ANKRD26: variants seen among roughly 807,000 people sequenced by gnomAD.
ANKRD26 encodes ankyrin repeat domain-containing protein 26.
ANKRD26 carries 141 observed loss-of-function variants against 208.7 expected under a neutral mutation model. The observed-to-expected ratio is 0.68, with a 90% CI of 0.59 to 0.78. The LOEUF (loss-of-function observed/expected upper bound fraction) is 0.78, where lower values mean the gene tolerates loss of function less well. Ranked by LOEUF, ANKRD26 falls within the 30% of genes least tolerant of loss-of-function variation. The pLI, the probability that ANKRD26 is intolerant of heterozygous loss-of-function variation, is 0.00. For missense variants in ANKRD26, 1,889 were observed against 1,938.7 expected (o/e 0.97, Z 0.48); for synonymous variants, 636 against 660.4 (o/e 0.96, Z 0.57).
At position 27,064,183 on chromosome 10, in the gene ANKRD26, A is replaced by T. The variant is rs529411785; in HGVS notation, c.1270-102T>A. Reference sequence around the variant, plus strand: ...AAATATAATATGAATTTCCTATTTTAAAAGCAATTAGGCTTAAAAATAAGA... The same window carrying T: ...AAATATAATATGAATTTCCTATTTTTAAAGCAATTAGGCTTAAAAATAAGA... On this transcript the variant is annotated intron_variant, in intron 11 of 33. Coordinates refer to ENST00000376087, the MANE Select transcript of ANKRD26 (RefSeq NM_014915.3). 6.5e-6 allele frequency: 6 copies of T among 928,756 alleles called. No individual in the cohort carries two copies. In the Admixed American group the frequency reaches 9.8e-5, roughly 15 times the overall value. 57.5% of individuals were successfully genotyped at this position (928,756 alleles called of 1,614,324 possible).
At chr10:27,055,626 T>C (rs772317815) in intron 15 of ANKRD26, among the ~76,000 whole-genome samples, 1 of 152,152 alleles carries the variant, frequency 6.6e-6, no homozygotes, top group Non-Finnish European at 1.5e-5. Context: ...TAAAATTGAA[T>C]TTCATATATC....
chr10:27,077,348 C>A lies in ANKRD26; in HGVS notation c.1067G>T (p.Gly356Val), dbSNP rs1184215775. The A allele has an allele frequency of 1.9e-6, 3 of 1,613,358 alleles. No homozygotes were observed. Residue 356 changes from glycine to valine, a missense_variant, in exon 9 of 34, where the codon GGT becomes GTT. Gly to Val is a moderately radical substitution (Grantham distance 109). Coordinates refer to ENST00000376087, the MANE Select transcript of ANKRD26 (RefSeq NM_014915.3). The part of the protein sequence containing the change: ...KPSHKSLANP[G>V]LMKEEPTKPG... Reference sequence around the variant, plus strand: ...TAAAAAACAACTTACCTTCATAAGACCAGGGTTTGCTAACGACTTGTGGGA... The same window carrying A: ...TAAAAAACAACTTACCTTCATAAGAACAGGGTTTGCTAACGACTTGTGGGA...
intron 15 of ANKRD26, among the ~76,000 whole-genome samples, chr10:27,055,632 A>G (rs973417579): frequency 2.0e-5 from 3 of 152,316 alleles, no homozygotes; most frequent in East Asian, 3.9e-4. Context: ...TGAATTTCAT[A>G]TATCTTTTTT....
At chr10:27,065,839 C>T (rs753235996) in intron 11 of ANKRD26, among the ~76,000 whole-genome samples, 2 of 146,262 alleles carry the variant, frequency 1.4e-5, no homozygotes, top group African/African-American at 2.5e-5. Flanking sequence ...TGGCCATAGG[C>T]TAACCTGAAA....
chr10:26,989,579 C>T (rs905617999), downstream of ANKRD26, among the ~76,000 whole-genome samples: 1 of 152,164 alleles, frequency 6.6e-6, no homozygotes, highest in Admixed American at 6.5e-5. Context: ...CTTTATGCTT[C>T]GCAACTCAAC....
exon 6 of ANKRD26, chr10:26,991,953 T>A (rs1000450028): frequency 3.3e-5 from 5 of 152,186 alleles, no homozygotes; most frequent in African/African-American, 4.8e-5. Flanking sequence ...CAGATACACA[T>A]TTGTCTCAGG....
intron 15 of ANKRD26, among the ~76,000 whole-genome samples, chr10:27,054,003 T>A (rs1589291686): frequency 6.6e-6 from 1 of 151,868 alleles, no homozygotes; most frequent in Non-Finnish European, 1.5e-5. Context: ...TTTTGACAAA[T>A]TTTTTTTCAT....
chr10:26,960,684 C>G, the ANKRD26 span, among the ~76,000 whole-genome samples: 86 of 152,282 alleles, frequency 5.6e-4, no homozygotes, highest in African/African-American at 2.0e-3. Context: ...AAGGAGAGAA[C>G]TGTTTTCTAT....
chr10:27,053,249 T>C, intron 16 of ANKRD26, 71 bp downstream of exon 16: 2 of 1,096,438 alleles, frequency 1.8e-6, no homozygotes, highest in Non-Finnish European at 2.7e-6. Flanking sequence ...AGTAATTTCA[T>C]TTGGACTATG....
chr10:26,955,160 A>G, the ANKRD26 span, among the ~76,000 whole-genome samples: 64,692 of 151,706 alleles, frequency 0.43, 16,479 homozygotes, highest in Non-Finnish European at 0.54. Flanking sequence ...TGGGCGCAGT[A>G]GCTCATGCCC....
At chr10:26,999,449 G>C (rs997324697), downstream of ANKRD26, among the ~76,000 whole-genome samples, 60 of 152,212 alleles carry the variant, frequency 3.9e-4, no homozygotes, top group Admixed American at 3.9e-3. Flanking sequence ...GCTGCTTGTG[G>C]ACCTAGCTTT....
At chr10:26,950,318 G>A in the ANKRD26 span, among the ~76,000 whole-genome samples, 1 of 152,220 alleles carries the variant, frequency 6.6e-6, no homozygotes, top group Non-Finnish European at 1.5e-5. Flanking sequence ...TTCACCCTCT[G>A]TGATGATTGT....
chr10:26,975,511 G>A (rs1212476724), exon 6 of ANKRD26, among the ~76,000 whole-genome samples: 3 of 144,170 alleles, frequency 2.1e-5, no homozygotes, highest in Admixed American at 7.4e-5. Context: ...ACAGGCATGA[G>A]CCACTGTGCC....
rs1164026142 is a variant in ANKRD26 at position 27,079,118 on chromosome 10, C to G, written c.784G>C (p.Asp262His). The G allele has an allele frequency of 1.9e-6, 3 of 1,613,856 alleles. No individual in the cohort carries two copies. In the African/African-American group the frequency reaches 4.0e-5, roughly 22 times the overall value. ...GTATCAAAATTGAGGTCTTCGTCAT[C>G]TGAGGTAGGCCATGAATCATCAACA... is the stretch of plus-strand genomic sequence containing the variant. ...PGVDDSWPTSDDEDLNFDTKN... is the reference protein window; with the variant it reads ...PGVDDSWPTSHDEDLNFDTKN... Residue 262 changes from aspartate (D) to histidine (H), a missense_variant, in exon 7 of 34, where the codon GAT becomes CAT. Asp to His is a moderately conservative substitution (Grantham distance 81, BLOSUM62 -1). Coordinates refer to ENST00000376087, the MANE Select transcript of ANKRD26 (RefSeq NM_014915.3).
chr10:27,052,125 GT>G, intron 16 of ANKRD26: 1 of 984,496 alleles, frequency 1.0e-6, no homozygotes. Context: ...CAGGGTGCAT[GT>G]TTTTAAAATA....
At chr10:26,977,501 T>C (rs2134609009) in intron 5 of ANKRD26, among the ~76,000 whole-genome samples, 1 of 152,324 alleles carries the variant, frequency 6.6e-6, no homozygotes, top group South Asian at 2.1e-4. Flanking sequence ...AGCATAATGA[T>C]ATTTTGTTAC....
chr10:27,075,298 GA>G (rs1212924874), intron 9 of ANKRD26, among the ~76,000 whole-genome samples: 2 of 152,138 alleles, frequency 1.3e-5, no homozygotes, highest in African/African-American at 4.8e-5. Context: ...CAGGTTGGCA[GA>G]ATGGATTTTT....
the ANKRD26 span, among the ~76,000 whole-genome samples, chr10:26,967,959 C>T: frequency 4.6e-5 from 7 of 152,226 alleles, no homozygotes; most frequent in African/African-American, 1.7e-4. Context: ...CTTGCCCCCT[C>T]CCTGCAACCC....
chr10:27,029,995 C>T (rs2053811283), intron 25 of ANKRD26, among the ~76,000 whole-genome samples: 1 of 152,180 alleles, frequency 6.6e-6, no homozygotes, highest in African/African-American at 2.4e-5. Context: ...AATACTATTA[C>T]TTCACTGGGA....
Sources: allele counts gnomAD v4.1 joint callset (sites outside exome capture counted in the v4.1 genomes callset), GRCh38; gene constraint gnomAD v4.1.1; transcripts MANE v1.5; gene names NCBI Gene and HGNC (gene_info 2026-07-23, HGNC 2026-07-21).